KCNK13: variants seen among roughly 807,000 people sequenced by gnomAD.
The protein encoded by KCNK13 is potassium two pore domain channel subfamily K member 13, also known as potassium channel subfamily K member 13.
In KCNK13, 12 loss-of-function variants were observed where a neutral mutation model predicts 23.4. That is an observed-to-expected ratio of 0.51 (90% confidence interval 0.33 to 0.83). KCNK13 has a LOEUF of 0.83. Ranked by LOEUF, KCNK13 falls within the 40% of genes least tolerant of loss-of-function variation. The probability of loss-of-function intolerance (pLI) is 0.02; values close to 1 mark genes in which losing one functional copy is unlikely to be tolerated. For missense variants in KCNK13, 463 were observed against 556.3 expected, an observed-to-expected ratio of 0.83 and a Z score of 1.69; for synonymous variants, 231 against 229.5, an observed-to-expected ratio of 1.01 and a Z score of -0.06.
chr14:90,167,786 A>T (rs1890321098), intron 1 of KCNK13, among the ~76,000 whole-genome samples: 1 of 152,118 alleles, frequency 6.6e-6, no homozygotes, highest in South Asian at 2.1e-4. Flanking sequence ...CCCTGCCAAT[A>T]ATCCCAAACC....
rs1278753947 is a variant in KCNK13 at position 90,062,250 on chromosome 14, G to A, written c.45G>A (p.Glu15=). ...GFSWGPGHLN[E]DNARFLLLAA... The stretch of plus-strand genomic sequence containing the variant: ...GCTGGGGCCCGGGCCACCTGAACGA[G>A]GACAACGCGCGCTTTCTGCTGCTGG... Residue 15 remains glutamate, a synonymous_variant, in exon 1 of 2, where the codon GAG becomes GAA. Coordinates refer to ENST00000282146, the MANE Select transcript of KCNK13 (RefSeq NM_022054.4). This position sits in a 1 kb window ranked among gnomAD's most constrained non-coding sequence, Gnocchi z 4.5. 2 of 1,537,964 alleles carry A rather than the reference G, an allele frequency of 1.3e-6. No individual in the cohort carries two copies. The highest frequency in any genetic ancestry group is 1.2e-5 in the South Asian group (1 of 84,664).
At chr14:90,132,844 A>G (rs1206309595) in intron 1 of KCNK13, among the ~76,000 whole-genome samples, 1 of 152,188 alleles carries the variant, frequency 6.6e-6, no homozygotes, top group Non-Finnish European at 1.5e-5. Context: ...GCCCTGTCCC[A>G]TATCTAATTC....
At position 90,107,824 on chromosome 14, in the gene KCNK13, C is replaced by T. The variant is rs553802606; in HGVS notation, c.334+45285C>T. 3.5e-6 allele frequency: 3 copies of T among 863,794 alleles called. No homozygotes were observed. The East Asian group carries it at 7.4e-5, about 21-fold the overall frequency. 53.5% of individuals were successfully genotyped at this position (863,794 alleles called of 1,614,324 possible). ...TTCTGGAATTTGTCGAGATCACAAC[C>T]ACCAACCACACTAACAAGATTCAAG... On this transcript the variant is annotated intron_variant, in intron 1 of 1. Transcript: ENST00000282146.
At chr14:90,092,143 C>T (rs1420777556) in intron 1 of KCNK13, among the ~76,000 whole-genome samples, 1 of 152,080 alleles carries the variant, frequency 6.6e-6, no homozygotes, top group African/African-American at 2.4e-5. Flanking sequence ...AGGATGGTCT[C>T]CATCTCCTGA....
At chr14:90,082,431 A>T (rs1298215081) in intron 1 of KCNK13, among the ~76,000 whole-genome samples, 1 of 152,094 alleles carries the variant, frequency 6.6e-6, no homozygotes. Flanking sequence ...TAATGAACTA[A>T]GACACTATCC....
At chr14:90,134,579 T>C (rs1889913118) in intron 1 of KCNK13, among the ~76,000 whole-genome samples, 1 of 152,194 alleles carries the variant, frequency 6.6e-6, no homozygotes, top group Non-Finnish European at 1.5e-5. Context: ...CACGTCAAGG[T>C]GTTCACAATA....
At chr14:90,159,210 T>C (rs1390807116) in intron 1 of KCNK13, among the ~76,000 whole-genome samples, 5 of 151,986 alleles carry the variant, frequency 3.3e-5, no homozygotes, top group Non-Finnish European at 7.4e-5. Context: ...GAGAGTGGAG[T>C]GCTGATGACC....
intron 1 of KCNK13, among the ~76,000 whole-genome samples, chr14:90,165,974 G>A (rs963771091): frequency 6.6e-6 from 1 of 152,196 alleles, no homozygotes; most frequent in Non-Finnish European, 1.5e-5. Context: ...ATTTCTGAGT[G>A]CAAGAACTAC....
rs987657921 is a variant in KCNK13, at chr14:90,185,851, T to G, written c.*848T>G. The G allele has an allele frequency of 5.9e-5, 9 of 152,206 alleles. No individual in the cohort carries two copies. Among genetic ancestry groups the G allele is most frequent in the African/African-American group, 2.2e-4 (9 of 41,434 alleles). The allele number at this position is 152,206 out of a possible 1,614,324, so 9.4% of individuals were successfully genotyped here. On this transcript the variant is annotated 3_prime_UTR_variant, in exon 2 of 2. Coordinates refer to ENST00000282146, the MANE Select transcript of KCNK13 (RefSeq NM_022054.4). ...AAAATTTAATAAATCCTCATTTTATTAACTAAGATTCCATGAGTGCTCATT... is the reference window on the plus strand; with the variant it reads ...AAAATTTAATAAATCCTCATTTTATGAACTAAGATTCCATGAGTGCTCATT...
intron 1 of KCNK13, among the ~76,000 whole-genome samples, chr14:90,181,911 G>A (rs1890492028): frequency 6.6e-6 from 1 of 152,074 alleles, no homozygotes; most frequent in African/African-American, 2.4e-5. Context: ...CCTGTGTTTA[G>A]TAACTACAGA....
At position 90,175,679 on chromosome 14, in the gene KCNK13, C is replaced by T. The variant is rs35416844; in HGVS notation, c.335-8432C>T. On this transcript the variant is annotated intron_variant, in intron 1 of 1. Coordinates refer to ENST00000282146, the MANE Select transcript of KCNK13 (RefSeq NM_022054.4). ...AGACAGAAGATATTTCATTATCCAT[C>T]GCTGTGTGGCAAACCTCCCCAAGTG... 5.9e-5 allele frequency among the ~76,000 whole-genome samples: 9 copies of T among 152,310 alleles called. No homozygotes were observed. In the East Asian group the frequency reaches 1.5e-3, roughly 26 times the overall value.
At position 90,184,773 on chromosome 14, in the gene KCNK13, G is replaced by C; in HGVS notation, c.997G>C (p.Ala333Pro). Reference protein sequence around the residue: ...CNISIETDGVAESDTDGRRLS... With the variant: ...CNISIETDGVPESDTDGRRLS... ...CATCTCCATAGAGACAGACGGGGTGGCAGAGAGTGACACGGACGGGCGCCG... is the reference window on the plus strand; with the variant it reads ...CATCTCCATAGAGACAGACGGGGTGCCAGAGAGTGACACGGACGGGCGCCG... The change falls in exon 2 of 2, where the codon GCA becomes CCA. Residue 333 changes from alanine to proline, a missense_variant. Coordinates refer to ENST00000282146, the MANE Select transcript of KCNK13 (RefSeq NM_022054.4). The surrounding 1 kb of genome is among the most constrained non-coding windows in gnomAD (Gnocchi z 5.6). 6.2e-7 allele frequency: 1 copy of C among 1,613,424 alleles called. No individual in the cohort carries two copies. Among genetic ancestry groups the C allele is most frequent in the Admixed American group, 1.7e-5 (1 of 60,028 alleles).
intron 1 of KCNK13, among the ~76,000 whole-genome samples, chr14:90,077,627 C>T (rs1416856598): frequency 1.3e-5 from 2 of 152,188 alleles, no homozygotes; most frequent in Non-Finnish European, 2.9e-5. Context: ...TCTCCATTGT[C>T]TGATGGCCGT....
At chr14:90,097,124 A>G (rs1180205987) in intron 1 of KCNK13, among the ~76,000 whole-genome samples, 1 of 152,098 alleles carries the variant, frequency 6.6e-6, no homozygotes, top group Admixed American at 6.5e-5. Context: ...TCCTTCCTAT[A>G]CACCCAGAAA....
chr14:90,116,353 T>C (rs1889676824), intron 1 of KCNK13, among the ~76,000 whole-genome samples: 3 of 152,204 alleles, frequency 2.0e-5, no homozygotes, highest in Admixed American at 6.5e-5. Context: ...CTCGGCATTA[T>C]GGGGGCAAAA....
intron 1 of KCNK13, among the ~76,000 whole-genome samples, chr14:90,130,653 CA>C (rs761645589): frequency 1.3e-5 from 2 of 151,714 alleles, no homozygotes; most frequent in Non-Finnish European, 2.9e-5. Context: ...TCTCTACTAA[CA>C]ATACAAAAAA....
chr14:90,145,683 T>A (rs897094026), intron 1 of KCNK13, among the ~76,000 whole-genome samples: 18 of 152,232 alleles, frequency 1.2e-4, no homozygotes, highest in South Asian at 2.1e-4. Flanking sequence ...TTACTGATTT[T>A]CTTTCTATTT....
At position 90,062,133 on chromosome 14, in the gene KCNK13, T is replaced by G. The variant is rs1478706130; in HGVS notation, c.-73T>G. The G allele has an allele frequency of 9.6e-7, 1 of 1,036,342 alleles. No individual in the cohort carries two copies. Among genetic ancestry groups the G allele is most frequent in the African/African-American group, 1.7e-5 (1 of 59,416 alleles). 64.2% of individuals were successfully genotyped at this position (1,036,342 alleles called of 1,614,324 possible). On this transcript the variant is annotated 5_prime_UTR_variant, in exon 1 of 2. Transcript: ENST00000282146. The surrounding 1 kb of genome is among the most constrained non-coding windows in gnomAD (Gnocchi z 4.5). Reference sequence around the variant, plus strand: ...CTGGCTGAGCGCCGGGGCCCTTATTTCCCGGGGGTGTGGGCGAGACTCCGC... The same window carrying G: ...CTGGCTGAGCGCCGGGGCCCTTATTGCCCGGGGGTGTGGGCGAGACTCCGC...
intron 1 of KCNK13, among the ~76,000 whole-genome samples, chr14:90,156,098 G>C (rs763439700): frequency 7.9e-5 from 12 of 152,004 alleles, no homozygotes; most frequent in Non-Finnish European, 1.3e-4. Context: ...CAGCTACTTG[G>C]GGGGCTTGAG....
Sources: allele counts gnomAD v4.1 joint callset (sites outside exome capture counted in the v4.1 genomes callset), GRCh38; gene constraint gnomAD v4.1.1; non-coding constraint Gnocchi (gnomAD v3.1); transcripts MANE v1.5; gene names NCBI Gene and HGNC (gene_info 2026-07-23, HGNC 2026-07-21).